The following COPZ2 variants were observed in gnomAD, a reference collection of about 807,000 sequenced individuals.
COPZ2 encodes the protein coat protein complex I subunit zeta 2, also known as coatomer subunit zeta-2.
A neutral mutation model predicts 33.2 loss-of-function variants in COPZ2; 30 were observed. That is an observed-to-expected ratio of 0.90 (90% CI 0.68 to 1.23). The LOEUF (loss-of-function observed/expected upper bound fraction) is 1.23. Ranked by LOEUF, COPZ2 falls within the 50% of genes most tolerant of loss-of-function variation. The probability of loss-of-function intolerance (pLI) is 0.00; values close to 1 mark genes in which losing one functional copy is unlikely to be tolerated. For missense variants in COPZ2, 263 were observed against 262.4 expected, an observed-to-expected ratio of 1.00 and a Z score of -0.02; for synonymous variants, 89 against 102.6, an observed-to-expected ratio of 0.87 and a Z score of 0.80.
chr17:48,039,294 G>C (rs376061946), upstream of COPZ2, among the ~76,000 whole-genome samples: 14 of 151,810 alleles, frequency 9.2e-5, no homozygotes, highest in African/African-American at 3.1e-4. Flanking sequence ...AACATGGTAA[G>C]ATCTAGTCTC....
upstream of COPZ2, among the ~76,000 whole-genome samples, chr17:48,038,884 A>G (rs1321826801): frequency 2.0e-5 from 3 of 152,202 alleles, no homozygotes; most frequent in Non-Finnish European, 4.4e-5. Flanking sequence ...GACAGCCACC[A>G]TATCTGACTT....
rs775979975 is a variant in COPZ2 at position 48,032,227 on chromosome 17, G to A, written c.423C>T (p.Asn141=). The change falls in exon 6 of 9, where the codon AAC becomes AAT. Residue 141 remains asparagine, a synonymous_variant. Transcript: ENST00000621465. ...TCTCCAGCAACCAGCGCTTCTCCAC[G>A]TTCTTCCTGAAGGTGGACACAAGCT... is the stretch of plus-strand genomic sequence containing the variant. The part of the protein sequence containing the change: ...FESLNHMLRK[N]VEKRWLLENM... 3.1e-5 allele frequency: 50 copies of A among 1,612,002 alleles called. No homozygotes were observed. Among genetic ancestry groups the A allele is most frequent in the Non-Finnish European group, 3.8e-5 (45 of 1,179,206 alleles).
intron 2 of COPZ2, 66 bp from the exon 3 acceptor site, chr17:48,034,010 G>A (rs2036940719): frequency 8.4e-7 from 1 of 1,191,712 alleles, no homozygotes; most frequent in South Asian, 1.3e-5. Flanking sequence ...CTAGATTGGG[G>A]GGCAGGAAAG....
At chr17:48,044,403 C>CCT in the COPZ2 span, among the ~76,000 whole-genome samples, 2 of 101,756 alleles carry the variant, frequency 2.0e-5, no homozygotes, top group African/African-American at 6.7e-5. Flanking sequence ...CAATCTTTTG[C>CCT]TTTTTTTTTT....
chr17:48,043,955 CTTCAAA>C, the COPZ2 span, among the ~76,000 whole-genome samples: 1 of 152,214 alleles, frequency 6.6e-6, no homozygotes, highest in East Asian at 1.9e-4. Context: ...TTGAACTCAG[CTTCAAA>C]AAATGTTACA....
In COPZ2 at chr17:48,032,240, G is replaced by T; in HGVS notation, c.417-7C>A. The T allele has an allele frequency of 6.2e-7, 1 of 1,610,572 alleles. No homozygotes were observed. The highest frequency in any genetic ancestry group is 8.5e-7 in the Non-Finnish European group (1 of 1,178,504). On this transcript the variant is annotated splice_region_variant and splice_polypyrimidine_tract_variant and intron_variant, in intron 5 of 8. Coordinates refer to ENST00000621465, the MANE Select transcript of COPZ2 (RefSeq NM_016429.4). ...GCGCTTCTCCACGTTCTTCCTGAAG[G>T]TGGACACAAGCTCCTGAGCCTCCCT... is the stretch of plus-strand genomic sequence containing the variant.
chr17:48,040,185 T>C (rs973557974), upstream of COPZ2, among the ~76,000 whole-genome samples: 31 of 134,458 alleles, frequency 2.3e-4, no homozygotes, highest in African/African-American at 8.3e-4. Context: ...CATTCTCCTG[T>C]CTCAGTCTCC....
chr17:48,034,943 G>A (rs1160451198), intron 2 of COPZ2, among the ~76,000 whole-genome samples: 3 of 152,174 alleles, frequency 2.0e-5, no homozygotes, highest in South Asian at 2.1e-4. Flanking sequence ...CTGAGATCGC[G>A]CCACTGAACT....
At chr17:48,029,268 G>T (rs9898218) in intron 6 of COPZ2, 92 bp from the exon 7 acceptor site, 434,900 of 1,185,306 alleles carry the variant, frequency 0.37, 81,951 homozygotes, top group Non-Finnish European at 0.39. Context: ...CCTCTCCGAA[G>T]GCATCCTGCA....
At chr17:48,045,179 C>CA in the COPZ2 span, 2 of 152,146 alleles carry the variant, frequency 1.3e-5, no homozygotes, top group Non-Finnish European at 2.9e-5. Context: ...AGGCTGGTCT[C>CA]AAACTCCTGG....
At chr17:48,039,209 A>G (rs2037036163), upstream of COPZ2, among the ~76,000 whole-genome samples, 1 of 151,958 alleles carries the variant, frequency 6.6e-6, no homozygotes, top group African/African-American at 2.4e-5. Context: ...AATGGCTCAC[A>G]TCTGTAATCC....
rs186311143 is a variant in COPZ2 at position 48,036,600 on chromosome 17, C to A, written c.186+251G>T. ...CACTCCACTGACCCATTAGGCAGAA[C>A]CTTCCCATGCCCAGGTCCAACTGGC... is the stretch of plus-strand genomic sequence containing the variant. On this transcript the variant is annotated intron_variant, in intron 2 of 8. Transcript: ENST00000621465. Among the ~76,000 whole-genome samples, 483 of 152,322 alleles carry A rather than the reference C, an allele frequency of 3.2e-3. 1 individual carries two copies. The highest frequency in any genetic ancestry group is 5.2e-3 in the Admixed American group (80 of 15,296).
chr17:48,029,669 CTTTT>C (rs56033361), intron 6 of COPZ2, among the ~76,000 whole-genome samples: 19 of 147,404 alleles, frequency 1.3e-4, no homozygotes, highest in South Asian at 4.3e-4. Context: ...TACTTCCTCC[CTTTT>C]TTTTTTTTTT....
Position 48,036,809 on chromosome 17 carries a change from T to C in COPZ2, c.186+42A>G, listed in dbSNP as rs2144314604. ...TTTCTCCTGAGACAGGAGTGTCAGC[T>C]GAGTGGGAACTGTGTCCCTCATGGG... On this transcript the variant is annotated intron_variant, in intron 2 of 8. Transcript: ENST00000621465. 1.9e-6 allele frequency: 3 copies of C among 1,581,780 alleles called. No homozygotes were observed. The South Asian group carries it at 3.3e-5, about 18-fold the overall frequency.
the COPZ2 span, among the ~76,000 whole-genome samples, chr17:48,044,318 G>A: frequency 6.6e-6 from 1 of 150,746 alleles, no homozygotes; most frequent in Non-Finnish European, 1.5e-5. Context: ...CTGCACTCCA[G>A]CCTGGACCAC....
the COPZ2 span, chr17:48,047,358 T>C: frequency 6.6e-6 from 1 of 152,144 alleles, no homozygotes; most frequent in Non-Finnish European, 1.5e-5. Context: ...AGCAGGCAGG[T>C]TATCCGGCCG....
upstream of COPZ2, among the ~76,000 whole-genome samples, chr17:48,042,122 C>CTTTTTCTTTTTCTT (rs562919055): frequency 4.6e-5 from 7 of 151,908 alleles, no homozygotes; most frequent in African/African-American, 1.7e-4. Context: ...ACTGTTGTTG[C>CTTTTTCTTTTTCTT]TTTTTCTTTT....
At chr17:48,029,253 T>C (rs1296056843) in intron 6 of COPZ2, 77 bp from the exon 7 acceptor site, 22 of 1,375,544 alleles carry the variant, frequency 1.6e-5, no homozygotes, top group Non-Finnish European at 2.1e-5. Flanking sequence ...TTGCCAAGCC[T>C]CTTCCCTCTC....
intron 6 of COPZ2, 66 bp from the exon 7 acceptor site, chr17:48,029,242 C>T (rs1214231220): frequency 2.1e-6 from 3 of 1,434,448 alleles, no homozygotes; most frequent in Non-Finnish European, 1.9e-6. Flanking sequence ...GCCCCTTCTC[C>T]TTGCCAAGCC....
Sources: allele counts gnomAD v4.1 joint callset (sites outside exome capture counted in the v4.1 genomes callset), GRCh38; gene constraint gnomAD v4.1.1; transcripts MANE v1.5; gene names NCBI Gene and HGNC (gene_info 2026-07-23, HGNC 2026-07-21).